The following NOS1 variants were observed in gnomAD, a reference collection of about 807,000 sequenced individuals.
NOS1 encodes nitric oxide synthase 1.
A neutral mutation model predicts 164.5 loss-of-function variants in NOS1; 51 were observed. The observed-to-expected ratio is 0.31, with a 90% CI of 0.25 to 0.39. The LOEUF (loss-of-function observed/expected upper bound fraction) is 0.39. Among genes scored for constraint, NOS1 ranks in the 10% least tolerant of loss-of-function variants. The pLI is 1.00. For synonymous variants in NOS1, 719 were observed against 745.8 expected (o/e 0.96, Z 0.59); for missense variants, 1,362 against 1,885.6 (o/e 0.72, Z 5.14).
intron 3 of NOS1, among the ~76,000 whole-genome samples, chr12:117,297,292 G>A (rs1290412357): frequency 6.6e-6 from 1 of 152,226 alleles, no homozygotes; most frequent in Admixed American, 6.5e-5. Context: ...TGGAAGCAGG[G>A]AACTGAAGGT....
chr12:117,226,816 C>T (rs1420274356), intron 23 of NOS1, 46 bp from the exon 24 acceptor site: 1 of 1,480,190 alleles, frequency 6.8e-7, no homozygotes, highest in East Asian at 2.3e-5. Flanking sequence ...TGCTCCCGAG[C>T]ACGGCCTCCC....
rs534303027 is a variant in NOS1 at position 117,247,944 on chromosome 12, TA to T, written c.2649-423del. The stretch of plus-strand genomic sequence containing the variant: ...CTGGGTGACAGAGCGAGACTCCGTC[TA>T]AAAAAAAAAAAAAAAGAAAAGAAAA... On this transcript the variant is annotated intron_variant, in intron 17 of 28. Coordinates refer to ENST00000317775, the MANE Select transcript of NOS1 (RefSeq NM_000620.5). Among the ~76,000 whole-genome samples, 366 of 118,156 alleles carry T rather than the reference TA, an allele frequency of 3.1e-3. 2 individuals carry two copies. The highest frequency in any genetic ancestry group is 4.9e-3 in the Admixed American group (55 of 11,138). 77.5% of individuals were successfully genotyped at this position (118,156 alleles called of 152,430 possible). A position where few individuals can be genotyped will look rare whatever the true frequency, so the allele number is the denominator to read the frequency against.
chr12:117,337,986 A>T (rs2136081765), intron 1 of NOS1, among the ~76,000 whole-genome samples: 1 of 152,232 alleles, frequency 6.6e-6, no homozygotes, highest in East Asian at 1.9e-4. Flanking sequence ...AGGCCGAGGC[A>T]GGTGGATCAC....
chr12:117,325,236 G>A (rs1457127875), intron 2 of NOS1, among the ~76,000 whole-genome samples: 1 of 152,140 alleles, frequency 6.6e-6, no homozygotes, highest in Non-Finnish European at 1.5e-5. Flanking sequence ...CCGGGAGGAT[G>A]AGCATTTTCC....
chr12:117,220,254 T>C lies in NOS1; in HGVS notation c.3991A>G (p.Ile1331Val), dbSNP rs769332333. ...PDKPKKYVQD[I>V]LQEQLAESVY... ...GACTCCGCCAGCTGCTCCTGCAGGA[T>C]GTCCTGCACGTACTTCTGCAAGGAG... is the stretch of plus-strand genomic sequence containing the variant. The change falls in exon 27 of 29, where the codon ATC becomes GTC. Residue 1331 changes from isoleucine to valine, a missense_variant. Physicochemically the swap from Ile to Val is conservative, Grantham distance 29. This residue lies in a region of NOS1 where 737 missense variants were observed against 1,030.3 expected (regional missense o/e 0.72). Coordinates refer to ENST00000317775, the MANE Select transcript of NOS1 (RefSeq NM_000620.5). The C allele has an allele frequency of 5.6e-6, 9 of 1,609,294 alleles. No individual in the cohort carries two copies. Among genetic ancestry groups the C allele is most frequent in the East Asian group, 4.5e-5 (2 of 44,874 alleles).
chr12:117,327,376 C>T (rs1434285886), intron 2 of NOS1, among the ~76,000 whole-genome samples: 1 of 152,146 alleles, frequency 6.6e-6, no homozygotes, highest in Non-Finnish European at 1.5e-5. Flanking sequence ...CAATGCCTTC[C>T]GTTCTGGATC....
chr12:117,360,186 T>C (rs1790105039), intron 1 of NOS1, among the ~76,000 whole-genome samples: 1 of 151,712 alleles, frequency 6.6e-6, no homozygotes. Context: ...TGAGAGCCTC[T>C]CCTCTCTAGA....
chr12:117,256,078 G>A, intron 16 of NOS1: 1 of 1,122,318 alleles, frequency 8.9e-7, no homozygotes, highest in Non-Finnish European at 1.2e-6. Flanking sequence ...CTCCCTGAAG[G>A]AGGGGTGAGA....
At position 117,210,729 on chromosome 12, in the gene NOS1, C is replaced by T. The variant is rs901950484; in HGVS notation, c.*4580G>A. On this transcript the variant is annotated 3_prime_UTR_variant, in exon 29 of 29. Transcript: ENST00000317775. ...TTTCAAAGTCCAGAGCAGGCAGCTG[C>T]TGAAAGCGTGTTTGGTCAGAAGATT... The T allele has an allele frequency of 3.0e-6, 3 of 985,270 alleles. No homozygotes were observed. In the African/African-American group the frequency reaches 5.2e-5, roughly 17 times the overall value. 61.0% of individuals were successfully genotyped at this position (985,270 alleles called of 1,614,324 possible). A position where few individuals can be genotyped will look rare whatever the true frequency, so the allele number is the denominator to read the frequency against.
At position 117,213,148 on chromosome 12, in the gene NOS1, T is replaced by G; in HGVS notation, c.*2161A>C. On this transcript the variant is annotated 3_prime_UTR_variant, in exon 29 of 29. Transcript: ENST00000317775. The stretch of plus-strand genomic sequence containing the variant: ...GTATTTATTCCCTGATGGAAAAGCA[T>G]TCCTGCATAAAGCTTGACTTGGAGT... 1.0e-6 allele frequency: 1 copy of G among 985,464 alleles called. No homozygotes were observed. Among genetic ancestry groups the G allele is most frequent in the South Asian group, 4.7e-5 (1 of 21,280 alleles). The allele number at this position is 985,464 out of a possible 1,614,324, so 61.0% of individuals were successfully genotyped here.
chr12:117,222,595 G>C, intron 26 of NOS1, 120 bp downstream of exon 26: 1 of 920,292 alleles, frequency 1.1e-6, no homozygotes. Flanking sequence ...GAAGTACAGA[G>C]CAACTTCATA....
chr12:117,334,479 C>T (rs972955879), intron 1 of NOS1, among the ~76,000 whole-genome samples: 1 of 152,140 alleles, frequency 6.6e-6, no homozygotes, highest in Non-Finnish European at 1.5e-5. Flanking sequence ...TCACTGCAAC[C>T]TCCACCTCCT....
chr12:117,275,474 G>T (rs1213859497), intron 9 of NOS1, among the ~76,000 whole-genome samples: 1 of 152,126 alleles, frequency 6.6e-6, no homozygotes, highest in Non-Finnish European at 1.5e-5. Context: ...AGTAAAAAGT[G>T]GAACAGAGGA....
intron 11 of NOS1, 33 bp downstream of exon 11, chr12:117,268,010 G>T: frequency 1.4e-6 from 2 of 1,470,596 alleles, no homozygotes; most frequent in Non-Finnish European, 1.9e-6. Context: ...CTCATTTGAA[G>T]CTTGACCCTG....
intron 2 of NOS1, among the ~76,000 whole-genome samples, chr12:117,327,660 G>C (rs1875321648): frequency 6.6e-6 from 1 of 152,220 alleles, no homozygotes; most frequent in South Asian, 2.1e-4. Flanking sequence ...CCCCACGCAT[G>C]CATCTACCTC....
intron 23 of NOS1, 92 bp downstream of exon 23, chr12:117,227,339 G>T: frequency 8.3e-7 from 1 of 1,207,508 alleles, no homozygotes; most frequent in South Asian, 1.3e-5. Context: ...AGGGATTTGG[G>T]ATTTAGCCTG....
chr12:117,242,705 C>T lies in NOS1; in HGVS notation c.2963G>A (p.Gly988Asp). 6.2e-7 allele frequency: 1 copy of T among 1,613,966 alleles called. No homozygotes were observed. The highest frequency in any genetic ancestry group is 8.5e-7 in the Non-Finnish European group (1 of 1,179,906). The stretch of plus-strand genomic sequence containing the variant: ...TCGCTTTTTGTGGACATTGGATAGA[C>T]CTGTGGGGAGAAAAACAACAGTCTT... Reference protein sequence around the residue: ...FVAEAPELTQGLSNVHKKRVS... With the variant: ...FVAEAPELTQDLSNVHKKRVS... The change falls in exon 20 of 29, where the codon GGT becomes GAT. Residue 988 changes from glycine (G) to aspartate (D), a missense_variant and splice_region_variant. Physicochemically the swap from Gly to Asp is moderately conservative, Grantham distance 94. Around this residue, in one of 4 missense-constraint regions of NOS1, gnomAD observed 737 missense variants for 1,030.3 expected, o/e 0.72. Transcript: ENST00000317775.
chr12:117,238,429 T>G (rs1382730314), intron 20 of NOS1, among the ~76,000 whole-genome samples: 1 of 152,136 alleles, frequency 6.6e-6, no homozygotes, highest in Non-Finnish European at 1.5e-5. Context: ...CAGGCATCTA[T>G]AAACCCCCCT....
intron 20 of NOS1, among the ~76,000 whole-genome samples, chr12:117,236,401 T>A (rs1448810706): frequency 1.3e-5 from 2 of 152,120 alleles, no homozygotes; most frequent in Non-Finnish European, 2.9e-5. Context: ...CACATTATTT[T>A]GGGGGAGGAA....
Sources: gnomAD v4.1 joint callset for allele counts (sites outside exome capture counted in the v4.1 genomes callset) on GRCh38, gnomAD v4.1.1 for gene constraint, gnomAD v4.1.1 regional missense constraint, MANE v1.5 for transcripts, NCBI Gene and HGNC (gene_info 2026-07-23, HGNC 2026-07-21) for gene names.